The following RPTOR variants were observed in gnomAD, a reference collection of about 807,000 sequenced individuals.
The protein encoded by RPTOR is regulatory-associated protein of mTOR.
In RPTOR, 21 loss-of-function variants were observed where a neutral mutation model predicts 169.9. The ratio of observed to expected loss-of-function variants is 0.12; its 90% confidence interval spans 0.09 to 0.18. RPTOR has a LOEUF of 0.18. RPTOR is among the 10% of genes least tolerant of loss of function. The probability of loss-of-function intolerance (pLI) is 1.00; values close to 1 mark genes in which losing one functional copy is unlikely to be tolerated. For missense variants in RPTOR, 1,133 were observed against 1,855.9 expected, an observed-to-expected ratio of 0.61 and a Z score of 7.16; for synonymous variants, 732 against 753.2, an observed-to-expected ratio of 0.97 and a Z score of 0.46.
rs768866281 is a variant in RPTOR, at chr17:80,936,706, C to T, written c.2920-3790C>T. 2.4e-4 allele frequency among the ~76,000 whole-genome samples: 37 copies of T among 152,312 alleles called. No individual in the cohort carries two copies. Among genetic ancestry groups the T allele is most frequent in the South Asian group, 8.3e-4 (4 of 4,824 alleles). ...AAACTCCGCCTGTACCTACAGAGGG[C>T]GAAATTCACTGTACGTAAGTTACAT... On this transcript the variant is annotated intron_variant, in intron 24 of 33. Transcript: ENST00000306801. This position sits in a 1 kb window ranked among gnomAD's most constrained non-coding sequence, Gnocchi z 4.1.
chr17:80,744,122 C>T (rs868458499), intron 5 of RPTOR, among the ~76,000 whole-genome samples: 3 of 105,000 alleles, frequency 2.9e-5, no homozygotes, highest in East Asian at 2.4e-4. Context: ...TGGTTACTAG[C>T]ACAGCCCTGG....
At chr17:80,617,502 T>C (rs372652759) in intron 1 of RPTOR, among the ~76,000 whole-genome samples, 8 of 152,310 alleles carry the variant, frequency 5.3e-5, no homozygotes, top group Non-Finnish European at 7.4e-5. Flanking sequence ...CAACGTGGAA[T>C]TTTAGGCTTC....
intron 1 of RPTOR, chr17:80,602,616 G>C (rs1381296829): frequency 1.6e-6 from 1 of 642,846 alleles, no homozygotes; most frequent in Non-Finnish European, 2.9e-6. Context: ...GGTAACCAAA[G>C]TATAGAACTT....
At chr17:80,827,571 G>A (rs2067458141) in intron 9 of RPTOR, among the ~76,000 whole-genome samples, 1 of 152,186 alleles carries the variant, frequency 6.6e-6, no homozygotes, top group South Asian at 2.1e-4. Context: ...GTTGAAAGCA[G>A]TCTCAGGTCC....
intron 7 of RPTOR, among the ~76,000 whole-genome samples, chr17:80,796,709 G>A (rs1042735594): frequency 6.6e-6 from 1 of 152,180 alleles, no homozygotes; most frequent in Non-Finnish European, 1.5e-5. Context: ...TAAAGTGTGT[G>A]GATTTGGGTC....
At chr17:80,920,823 CAT>C (rs2068736375) in intron 21 of RPTOR, among the ~76,000 whole-genome samples, 1 of 152,258 alleles carries the variant, frequency 6.6e-6, no homozygotes, top group South Asian at 2.1e-4. Context: ...TGAGAAGGCA[CAT>C]ATAAAGTTCA....
At chr17:80,940,900 G>C (rs1467849995) in intron 25 of RPTOR, among the ~76,000 whole-genome samples, 4 of 152,228 alleles carry the variant, frequency 2.6e-5, no homozygotes, top group Non-Finnish European at 4.4e-5. Flanking sequence ...TCCTCTGCAA[G>C]GGCAGCCCTC....
intron 4 of RPTOR, among the ~76,000 whole-genome samples, chr17:80,729,138 G>A (rs62067918): frequency 0.11 from 16,727 of 152,214 alleles, 1,184 homozygotes; most frequent in African/African-American, 0.21. Flanking sequence ...TGCTGTGCAC[G>A]GACAAAGCTT....
chr17:80,574,043 C>T (rs1279663971), intron 1 of RPTOR, among the ~76,000 whole-genome samples: 4 of 152,200 alleles, frequency 2.6e-5, no homozygotes, highest in Non-Finnish European at 1.5e-5. Context: ...ATAACTTGTC[C>T]CACAAATGCC....
At chr17:80,933,876 C>A (rs1163802726) in intron 24 of RPTOR, among the ~76,000 whole-genome samples, 1 of 152,220 alleles carries the variant, frequency 6.6e-6, no homozygotes, top group Non-Finnish European at 1.5e-5. Context: ...GAGATTACTA[C>A]CCAGCGTCAT....
At chr17:80,578,117 C>T (rs1433365272) in intron 1 of RPTOR, among the ~76,000 whole-genome samples, 1 of 152,048 alleles carries the variant, frequency 6.6e-6, no homozygotes, top group Non-Finnish European at 1.5e-5. Context: ...AGGTGCGTGG[C>T]TGAGATAGTG....
chr17:80,580,591 A>G (rs973442007), intron 1 of RPTOR, among the ~76,000 whole-genome samples: 2 of 152,180 alleles, frequency 1.3e-5, no homozygotes, highest in Non-Finnish European at 2.9e-5. Flanking sequence ...TCCACTTGTA[A>G]GTAAAACAGT....
intron 6 of RPTOR, among the ~76,000 whole-genome samples, chr17:80,776,257 A>T (rs2066890872): frequency 6.7e-6 from 1 of 150,334 alleles, no homozygotes. Context: ...TTCTTAGAAT[A>T]TGTTTCTGGG....
intron 6 of RPTOR, among the ~76,000 whole-genome samples, chr17:80,782,590 G>T (rs954810184): frequency 2.6e-5 from 4 of 152,100 alleles, no homozygotes; most frequent in Non-Finnish European, 4.4e-5. Flanking sequence ...GGTTTCCGGG[G>T]ATCTCAGCCC....
At chr17:80,784,927 T>C (rs557406922) in intron 6 of RPTOR, among the ~76,000 whole-genome samples, 5 of 152,264 alleles carry the variant, frequency 3.3e-5, no homozygotes, top group African/African-American at 1.2e-4. Flanking sequence ...AGTTTCTCCA[T>C]GTTGGTCAGG....
chr17:80,773,775 T>G (rs1172806135), intron 6 of RPTOR: 3 of 985,262 alleles, frequency 3.0e-6, no homozygotes, highest in Non-Finnish European at 3.6e-6. Context: ...GCTGGGGACG[T>G]GTAGTCACTG....
At chr17:80,818,000 C>T (rs1327645136) in intron 7 of RPTOR, among the ~76,000 whole-genome samples, 4 of 152,274 alleles carry the variant, frequency 2.6e-5, no homozygotes, top group East Asian at 1.9e-4. Context: ...CAGGTGAGCC[C>T]GGAAGTGTGG....
At chr17:80,743,746 G>GGTTACTAGCACTGTCCTGGTTACTAGCAC (rs2066512154) in intron 5 of RPTOR, among the ~76,000 whole-genome samples, 6 of 74,484 alleles carry the variant, frequency 8.1e-5, no homozygotes, top group Non-Finnish European at 1.4e-4. Flanking sequence ...GCTACTAGCA[G>GGTTACTAGCACTGTCCTGGTTACTAGCAC]AGCCCTGGCT....
rs74813130 is a variant in RPTOR, at chr17:80,722,778, G to A, written c.508-7782G>A. Among the ~76,000 whole-genome samples, 766 of 151,370 alleles carry A rather than the reference G, an allele frequency of 5.1e-3. 43 individuals carry two copies. The highest frequency in any genetic ancestry group is 0.018 in the African/African-American group (724 of 40,668). On this transcript the variant is annotated intron_variant, in intron 4 of 33. Coordinates refer to ENST00000306801, the MANE Select transcript of RPTOR (RefSeq NM_020761.3). ...ACCTCTTACATGACCTCAGCACAGC[G>A]ATCAAATCTAGGAAACATATGTTGT... is the stretch of plus-strand genomic sequence containing the variant.
Sources: gnomAD v4.1 joint callset for allele counts (sites outside exome capture counted in the v4.1 genomes callset) on GRCh38, gnomAD v4.1.1 for gene constraint, Gnocchi (gnomAD v3.1) non-coding constraint, MANE v1.5 for transcripts, NCBI Gene and HGNC (gene_info 2026-07-23, HGNC 2026-07-21) for gene names.